The following PDLIM2 variants were observed in gnomAD, a reference collection of about 807,000 sequenced individuals.
The protein encoded by PDLIM2 is PDZ and LIM domain 2.
Under a neutral mutation model 54.1 loss-of-function variants are expected in PDLIM2, and 51 were observed. The observed-to-expected ratio is 0.94, with a 90% CI of 0.75 to 1.19. PDLIM2 has a LOEUF of 1.19. PDLIM2 is among the 50% of genes most tolerant of loss of function. The probability of loss-of-function intolerance (pLI) is 0.00; values close to 1 mark genes in which losing one functional copy is unlikely to be tolerated. For missense variants in PDLIM2, 912 were observed against 874.0 expected, an observed-to-expected ratio of 1.04 and a Z score of -0.55; for synonymous variants, 398 against 385.6, an observed-to-expected ratio of 1.03 and a Z score of -0.38.
intron 1 of PDLIM2, chr8:22,580,047 C>T (rs938627468): frequency 4.1e-5 from 7 of 171,210 alleles, no homozygotes; most frequent in South Asian, 1.3e-4. Context: ...TCGGCCTCAC[C>T]CCACCAGTCC....
At chr8:22,583,531 C>T (rs928548354) in intron 3 of PDLIM2, among the ~76,000 whole-genome samples, 4 of 152,048 alleles carry the variant, frequency 2.6e-5, no homozygotes, top group East Asian at 1.9e-4. Flanking sequence ...TTTGGGAGGC[C>T]GAGTCGGGCG....
At chr8:22,581,568 C>T (rs746332628) in intron 3 of PDLIM2, 38 bp downstream of exon 2, 60 of 1,533,022 alleles carry the variant, frequency 3.9e-5, no homozygotes, top group Non-Finnish European at 5.2e-5. Context: ...TGGCATTCCC[C>T]CTCCTCCACC....
Position 22,578,889 on chromosome 8 carries a change from C to G in PDLIM2, c.110C>G (p.Pro37Arg). The change falls in exon 1 of 10, where the codon CCG (proline) becomes CGG (arginine). Residue 37 changes from proline to arginine, a missense_variant. Pro to Arg is a moderately radical substitution (Grantham distance 103). Transcript: ENST00000308354. ...TCCCTGGACCGGCTCTGCTGTGCTC[C>G]GGGCAGTCGGGGGCTTGCGGGCGCT... 2 of 1,238,214 alleles carry G rather than the reference C, an allele frequency of 1.6e-6. No homozygotes were observed. Among genetic ancestry groups the G allele is most frequent in the Non-Finnish European group, 2.0e-6 (2 of 991,352 alleles). The allele number at this position is 1,238,214 out of a possible 1,614,324, so 76.7% of individuals were successfully genotyped here. A position where few individuals can be genotyped will look rare whatever the true frequency, so the allele number is the denominator to read the frequency against.
exon 1 of PDLIM2, chr8:22,578,788 C>A (rs913756862): frequency 8.1e-7 from 1 of 1,234,232 alleles, no homozygotes; most frequent in Middle Eastern, 2.1e-4. Context: ...GGATGCGGGG[C>A]GGGAGAGCGC....
chr8:22,579,608 G>A (rs536566108), intron 1 of PDLIM2: 3 of 1,350,002 alleles, frequency 2.2e-6, no homozygotes. Context: ...CTAGGCCTGG[G>A]CCCAAGGGGA....
exon 7 of PDLIM2, chr8:22,589,307 G>C (rs1378443342): frequency 2.0e-6 from 3 of 1,533,886 alleles, no homozygotes; most frequent in African/African-American, 2.7e-5. Flanking sequence ...GGCCGGCCTC[G>C]GCCGCGCTGG....
At chr8:22,591,903 TC>T (rs2117367558) in intron 9 of PDLIM2, 1 of 439,862 alleles carries the variant, frequency 2.3e-6, no homozygotes, top group East Asian at 4.0e-5. Context: ...CCTTTTCCCA[TC>T]CCTTTTGATT....
chr8:22,579,036 A>AGGCGGCGGCTTCTCGGGCTAGG lies in PDLIM2; in HGVS notation c.267_288dup (p.Arg97PhefsTer4). The AGGCGGCGGCTTCTCGGGCTAGG allele has an allele frequency of 8.1e-7, 1 of 1,240,428 alleles. No individual in the cohort carries two copies. The highest frequency in any genetic ancestry group is 1.0e-6 in the Non-Finnish European group (1 of 994,290). 76.8% of individuals were successfully genotyped at this position (1,240,428 alleles called of 1,614,324 possible). Reference sequence around the variant, plus strand: ...GGCAGCGCCTGGGCTCGCCGCGCGGAGGCGGCGGCTTCTCGGGCTAGGGGC... The same window carrying AGGCGGCGGCTTCTCGGGCTAGG: ...GGCAGCGCCTGGGCTCGCCGCGCGGAGGCGGCGGCTTCTCGGGCTAGGGGCGGCGGCTTCTCGGGCTAGGGGC... On this transcript the variant is annotated frameshift_variant, in exon 1 of 10. Transcript: ENST00000308354. LOFTEE classifies it high-confidence loss of function.
chr8:22,579,152 G>A, exon 1 of PDLIM2: 1 of 1,326,224 alleles, frequency 7.5e-7, no homozygotes, highest in Non-Finnish European at 9.6e-7. Context: ...ACGGCAGCGG[G>A]AGCGGTGGCG....
At position 22,586,312 on chromosome 8, in the gene PDLIM2, T is replaced by C. The variant is rs112010636; in HGVS notation, c.1290+913T>C. Among the ~76,000 whole-genome samples, 8 of 152,264 alleles carry C rather than the reference T, an allele frequency of 5.3e-5. 1 individual carries two copies. The highest frequency in any genetic ancestry group is 1.7e-4 in the African/African-American group (7 of 41,540). ...AGAGGCCAGCCTGGCACTGTGGCCATAGAGATATATTCCATGGGTCCCCTT... is the reference window on the plus strand; with the variant it reads ...AGAGGCCAGCCTGGCACTGTGGCCACAGAGATATATTCCATGGGTCCCCTT... On this transcript the variant is annotated intron_variant, in intron 6 of 9. Transcript: ENST00000308354.
At chr8:22,593,623 T>G in intron 9 of PDLIM2, 110 bp from the exon 9 acceptor site, 1 of 797,574 alleles carries the variant, frequency 1.3e-6, no homozygotes, top group Non-Finnish European at 1.9e-6. Flanking sequence ...CTGAGAAGGC[T>G]TTGGGCTCCA....
In PDLIM2 at chr8:22,585,181, GGGT is replaced by G. The variant is rs1800339921; in HGVS notation, c.1211+20_1211+22del. On this transcript the variant is annotated intron_variant, in intron 5 of 9. Coordinates refer to ENST00000308354, the Ensembl canonical transcript of PDLIM2. Reference sequence around the variant, plus strand: ...GCCGCAGGTGAGTGTGCCTGTGAGTGGGTACCCTGGTCGCCTGCGCTGCCAGCT... The same window carrying G: ...GCCGCAGGTGAGTGTGCCTGTGAGTGACCCTGGTCGCCTGCGCTGCCAGCT... 1 of 1,611,710 alleles carries G rather than the reference GGGT, an allele frequency of 6.2e-7. No homozygotes were observed. The highest frequency in any genetic ancestry group is 2.2e-5 in the East Asian group (1 of 44,840).
At chr8:22,589,785 G>A (rs1312498741) in intron 8 of PDLIM2, 44 bp downstream of exon 7, 15 of 1,549,280 alleles carry the variant, frequency 9.7e-6, no homozygotes, top group South Asian at 4.8e-5. Flanking sequence ...GTTCCCTTCC[G>A]TACCCCGGGC....
At chr8:22,593,643 T>TGATGCTACAGTGGGGACCAGGCCCC (rs1800614775) in intron 9 of PDLIM2, 90 bp from the exon 9 acceptor site, 2 of 1,123,090 alleles carry the variant, frequency 1.8e-6, no homozygotes, top group Admixed American at 2.6e-5. Flanking sequence ...ACCCAGGTCC[T>TGATGCTACAGTGGGGACCAGGCCCC]GATGCTACAG....
intron 1 of PDLIM2, chr8:22,580,557 G>A (rs1207290692): frequency 6.2e-7 from 1 of 1,612,888 alleles, no homozygotes; most frequent in Non-Finnish European, 8.5e-7. Context: ...TGCCCCCAGA[G>A]CCGGCTAGGG....
At chr8:22,589,328 G>T in exon 7 of PDLIM2, 2 of 1,534,314 alleles carry the variant, frequency 1.3e-6, no homozygotes, top group Non-Finnish European at 1.7e-6. Flanking sequence ...CGACTCGGCG[G>T]TGCTGGTGCT....
intron 8 of PDLIM2, chr8:22,590,774 T>G (rs1800519615): frequency 1.3e-5 from 2 of 152,236 alleles, no homozygotes; most frequent in Admixed American, 6.5e-5. Flanking sequence ...TGAGTCCCAT[T>G]GGGGTGGCAA....
chr8:22,589,919 G>C (rs1046018091), intron 8 of PDLIM2, 178 bp downstream of exon 7: 1 of 365,222 alleles, frequency 2.7e-6, no homozygotes, highest in East Asian at 4.1e-5. Context: ...CTGACGGTCC[G>C]GGAGGGTCCG....
exon 1 of PDLIM2, chr8:22,578,914 T>G (rs1800108203): frequency 8.1e-7 from 1 of 1,237,888 alleles, no homozygotes; most frequent in Non-Finnish European, 1.0e-6. Context: ...TTGCGGGCGC[T>G]CCGGGGAGGA....
Sources: allele counts gnomAD v4.1 joint callset (sites outside exome capture counted in the v4.1 genomes callset), GRCh38; gene constraint gnomAD v4.1.1; transcripts MANE v1.5; gene names NCBI Gene and HGNC (gene_info 2026-07-23, HGNC 2026-07-21).